MAPKAP1: variants seen among roughly 807,000 people sequenced by gnomAD.
MAPKAP1 encodes MAPK associated protein 1, also known as target of rapamycin complex 2 subunit MAPKAP1.
In MAPKAP1, 20 loss-of-function variants were observed where a neutral mutation model predicts 65.7. That is an observed-to-expected ratio of 0.30 (90% CI 0.21 to 0.44). MAPKAP1 has a LOEUF of 0.44. MAPKAP1 is among the 20% of genes least tolerant of loss of function. The probability of loss-of-function intolerance (pLI) is 1.00; values close to 1 mark genes in which losing one functional copy is unlikely to be tolerated. For missense variants in MAPKAP1, 423 were observed against 648.0 expected (o/e 0.65, Z 3.77); for synonymous variants, 222 against 244.3 (o/e 0.91, Z 0.85).
chr9:125,522,708 G>C (rs1189376888), intron 7 of MAPKAP1, among the ~76,000 whole-genome samples: 1 of 152,098 alleles, frequency 6.6e-6, no homozygotes, highest in Non-Finnish European at 1.5e-5. Context: ...GTAGATTCAA[G>C]GTATCACTTT....
intron 4 of MAPKAP1, among the ~76,000 whole-genome samples, chr9:125,622,472 G>C (rs1832934675): frequency 6.6e-6 from 1 of 152,008 alleles, no homozygotes; most frequent in African/African-American, 2.4e-5. Context: ...CTGAGACAGA[G>C]TCTCACTCTG....
chr9:125,440,773 C>T (rs1308100529), intron 11 of MAPKAP1, among the ~76,000 whole-genome samples: 1 of 152,162 alleles, frequency 6.6e-6, no homozygotes, highest in African/African-American at 2.4e-5. Context: ...TCATGAGGAC[C>T]GCAGGGCCAG....
Position 125,595,404 on chromosome 9 carries a change from CTGA to C in MAPKAP1, c.499-9680_499-9678del, listed in dbSNP as rs1349142093. The C allele has an allele frequency of 5.9e-6, 2 of 336,150 alleles. No individual in the cohort carries two copies. Among genetic ancestry groups the C allele is most frequent in the East Asian group, 1.4e-4 (1 of 7,348 alleles). The allele number at this position is 336,150 out of a possible 1,614,324, so 20.8% of individuals were successfully genotyped here. On this transcript the variant is annotated intron_variant, in intron 4 of 11. Coordinates refer to ENST00000265960, the MANE Select transcript of MAPKAP1 (RefSeq NM_001006617.3). The surrounding 1 kb of genome is among the most constrained non-coding windows in gnomAD (Gnocchi z 4.0). ...ATTGAAATGTATGTATTTGAACATGCTGATGAATTAAAACATTATCTAGAGCAG... is the reference window on the plus strand; with the variant it reads ...ATTGAAATGTATGTATTTGAACATGCTGAATTAAAACATTATCTAGAGCAG...
chr9:125,583,052 C>A (rs915047733), intron 5 of MAPKAP1, among the ~76,000 whole-genome samples: 2 of 152,172 alleles, frequency 1.3e-5, no homozygotes, highest in African/African-American at 4.8e-5. Context: ...GCACACTCTG[C>A]CTGTTTCTGT....
chr9:125,446,825 C>G (rs1398305087), intron 10 of MAPKAP1, among the ~76,000 whole-genome samples: 1 of 152,134 alleles, frequency 6.6e-6, no homozygotes, highest in Non-Finnish European at 1.5e-5. Flanking sequence ...CAAAACCAAA[C>G]CAAACCTCAA....
rs1237994006 is a variant in MAPKAP1 at position 125,439,749 on chromosome 9, C to T, written c.1444-737G>A. The stretch of plus-strand genomic sequence containing the variant: ...CATGTGCATCTTCCACTCTGTGTAG[C>T]AGCTGCACCGCCAGGCGCTTCCCCA... On this transcript the variant is annotated intron_variant, in intron 11 of 11. Transcript: ENST00000265960. The surrounding 1 kb of genome is among the most constrained non-coding windows in gnomAD (Gnocchi z 4.0). Among the ~76,000 whole-genome samples the T allele has an allele frequency of 6.6e-6, 1 of 152,244 alleles. No individual in the cohort carries two copies. The highest frequency in any genetic ancestry group is 1.5e-5 in the Non-Finnish European group (1 of 68,048).
At chr9:125,618,759 T>G (rs1484977372) in intron 4 of MAPKAP1, among the ~76,000 whole-genome samples, 3 of 152,222 alleles carry the variant, frequency 2.0e-5, no homozygotes, top group Non-Finnish European at 4.4e-5. Context: ...TAGATTCTCA[T>G]AAGCAATGCA....
At chr9:125,543,929 G>C (rs1830340248) in intron 6 of MAPKAP1, among the ~76,000 whole-genome samples, 1 of 152,204 alleles carries the variant, frequency 6.6e-6, no homozygotes, top group African/African-American at 2.4e-5. Context: ...AAAACGTCAT[G>C]TGGGGCCGCA....
chr9:125,580,043 C>T lies in MAPKAP1; in HGVS notation c.671+5512G>A, dbSNP rs7857872. On this transcript the variant is annotated intron_variant, in intron 5 of 11. Coordinates refer to ENST00000265960, the MANE Select transcript of MAPKAP1 (RefSeq NM_001006617.3). ...ACTTTATTCATGAAAACAACAGGTG[C>T]TGGAGAGGATATGGAGAAATAGAAA... Among the ~76,000 whole-genome samples, 379 of 152,280 alleles carry T rather than the reference C, an allele frequency of 2.5e-3. 2 individuals carry two copies. The highest frequency in any genetic ancestry group is 8.2e-3 in the African/African-American group (342 of 41,544).
rs566490673 is a variant in MAPKAP1, at chr9:125,442,692, T to TC, written c.1443+1808dup. On this transcript the variant is annotated intron_variant, in intron 11 of 11. Coordinates refer to ENST00000265960, the MANE Select transcript of MAPKAP1 (RefSeq NM_001006617.3). Reference sequence around the variant, plus strand: ...GCAAGCACTCCCAGGCAGGCCCGTGTCCCCACTCCTTGGTCCAAGGAGGGG... The same window carrying TC: ...GCAAGCACTCCCAGGCAGGCCCGTGTCCCCCACTCCTTGGTCCAAGGAGGGG... 2.1e-4 allele frequency among the ~76,000 whole-genome samples: 32 copies of TC among 152,186 alleles called. No individual in the cohort carries two copies. In the East Asian group the frequency reaches 6.0e-3, roughly 29 times the overall value.
Position 125,595,537 on chromosome 9 carries a change from A to G in MAPKAP1, c.499-9810T>C, listed in dbSNP as rs1425668852. ...GATAGTTTCCAAAGTAGGAGAAGCA[A>G]TAAGAATACAGATGGGATTCAGTTC... On this transcript the variant is annotated intron_variant, in intron 4 of 11. Coordinates refer to ENST00000265960, the MANE Select transcript of MAPKAP1 (RefSeq NM_001006617.3). This position sits in a 1 kb window ranked among gnomAD's most constrained non-coding sequence, Gnocchi z 4.0. 4.4e-6 allele frequency: 5 copies of G among 1,143,296 alleles called. No individual in the cohort carries two copies. Among genetic ancestry groups the G allele is most frequent in the Non-Finnish European group, 5.4e-6 (5 of 926,358 alleles). The allele number at this position is 1,143,296 out of a possible 1,614,324, so 70.8% of individuals were successfully genotyped here. A position where few individuals can be genotyped will look rare whatever the true frequency, so the allele number is the denominator to read the frequency against.
chr9:125,627,490 A>C (rs1211810307), intron 4 of MAPKAP1, among the ~76,000 whole-genome samples: 2 of 152,186 alleles, frequency 1.3e-5, no homozygotes, highest in African/African-American at 4.8e-5. Flanking sequence ...GGAATAGTGA[A>C]GGCAGAGAGA....
In MAPKAP1 at chr9:125,498,224, CTT is replaced by C. The variant is rs562863718; in HGVS notation, c.1066+8084_1066+8085del. ...AGCTCTCAGTACCTAGGCAGAAACTCTTGTCATATCTGCTTCATCTGTAAGCT... is the reference window on the plus strand; with the variant it reads ...AGCTCTCAGTACCTAGGCAGAAACTCGTCATATCTGCTTCATCTGTAAGCT... On this transcript the variant is annotated intron_variant, in intron 8 of 11. Coordinates refer to ENST00000265960, the MANE Select transcript of MAPKAP1 (RefSeq NM_001006617.3). Among the ~76,000 whole-genome samples the C allele has an allele frequency of 3.9e-5, 6 of 152,326 alleles. No homozygotes were observed. In the South Asian group the frequency reaches 1.2e-3, roughly 32 times the overall value.
intron 5 of MAPKAP1, among the ~76,000 whole-genome samples, chr9:125,577,596 CGTCCGGG>C (rs1831468948): frequency 1.7e-5 from 2 of 119,018 alleles, no homozygotes; most frequent in African/African-American, 6.4e-5. Context: ...CCAGCCGCCC[CGTCCGGG>C]AGGGAGGTGG....
intron 8 of MAPKAP1, among the ~76,000 whole-genome samples, chr9:125,500,610 A>G (rs2133071049): frequency 6.6e-6 from 1 of 152,362 alleles, no homozygotes; most frequent in Admixed American, 6.5e-5. Context: ...TTGCATATAC[A>G]TAGATGATCC....
chr9:125,532,664 A>G (rs1282596707), intron 7 of MAPKAP1, among the ~76,000 whole-genome samples: 1 of 152,214 alleles, frequency 6.6e-6, no homozygotes, highest in Non-Finnish European at 1.5e-5. Context: ...CATGGCAAGG[A>G]ATGATGCAGG....
intron 5 of MAPKAP1, among the ~76,000 whole-genome samples, chr9:125,571,001 G>A (rs569258372): frequency 1.7e-4 from 26 of 152,036 alleles, no homozygotes; most frequent in Non-Finnish European, 2.6e-4. Context: ...CAGTAAATAT[G>A]TCTAAAAGAT....
rs1387417245 is a variant in MAPKAP1 at position 125,439,494 on chromosome 9, AG to A, written c.1444-483del. Among the ~76,000 whole-genome samples, 1 of 152,156 alleles carries A rather than the reference AG, an allele frequency of 6.6e-6. No homozygotes were observed. The highest frequency in any genetic ancestry group is 2.4e-5 in the African/African-American group (1 of 41,432). ...AGCCAGGCGCAGAGCTTCCCACCACAGTGCTTCCTTCAGGGCTCATGAGTGC... is the reference window on the plus strand; with the variant it reads ...AGCCAGGCGCAGAGCTTCCCACCACATGCTTCCTTCAGGGCTCATGAGTGC... On this transcript the variant is annotated intron_variant, in intron 11 of 11. Coordinates refer to ENST00000265960, the MANE Select transcript of MAPKAP1 (RefSeq NM_001006617.3). The surrounding 1 kb of genome is among the most constrained non-coding windows in gnomAD (Gnocchi z 4.0).
chr9:125,566,914 C>T (rs1338732230), intron 5 of MAPKAP1, among the ~76,000 whole-genome samples: 2 of 152,304 alleles, frequency 1.3e-5, no homozygotes, highest in Admixed American at 6.5e-5. Flanking sequence ...TCTAGCAAAG[C>T]CACCTCAAAC....
Sources: allele counts gnomAD v4.1 joint callset (sites outside exome capture counted in the v4.1 genomes callset), GRCh38; gene constraint gnomAD v4.1.1; non-coding constraint Gnocchi (gnomAD v3.1); transcripts MANE v1.5; gene names NCBI Gene and HGNC (gene_info 2026-07-23, HGNC 2026-07-21).